KIF6: variants seen among roughly 807,000 people sequenced by gnomAD.
KIF6 encodes the protein kinesin-like protein KIF6.
KIF6 carries 106 observed loss-of-function variants against 112.7 expected under a neutral mutation model. The ratio of observed to expected loss-of-function variants is 0.94; its 90% CI spans 0.80 to 1.11. The LOEUF (loss-of-function observed/expected upper bound fraction) is 1.11. Among genes scored for constraint, KIF6 ranks in the 50% least tolerant of loss-of-function variants. KIF6 has a pLI of 0.00. For synonymous variants in KIF6, 339 were observed against 339.9 expected, an observed-to-expected ratio of 1.00 and a Z score of 0.03; for missense variants, 929 against 964.0, an observed-to-expected ratio of 0.96 and a Z score of 0.48.
chr6:39,477,164 G>T (rs1774476954), intron 13 of KIF6, among the ~76,000 whole-genome samples: 2 of 151,938 alleles, frequency 1.3e-5, no homozygotes, highest in Non-Finnish European at 2.9e-5. Context: ...GCTGCATGAA[G>T]ATTTCACCTA....
At position 39,343,486 on chromosome 6, in the gene KIF6, GC is replaced by G. The variant is rs1238839275; in HGVS notation, c.2428+222del. 9.4e-6 allele frequency: 14 copies of G among 1,488,172 alleles called. No individual in the cohort carries two copies. The Admixed American group carries it at 1.8e-4, about 19-fold the overall frequency. 92.2% of individuals were successfully genotyped at this position (1,488,172 alleles called of 1,614,324 possible). ...TGCCAAGAGGGACAGGAGCACCTGG[GC>G]CGCCCACCCACTTGGGCCTGTCTTG... On this transcript the variant is annotated intron_variant, in intron 22 of 22. Transcript: ENST00000287152. The surrounding 1 kb of genome is among the most constrained non-coding windows in gnomAD (Gnocchi z 4.1).
chr6:39,594,180 A>G (rs1023663445), intron 7 of KIF6, among the ~76,000 whole-genome samples: 1 of 152,050 alleles, frequency 6.6e-6, no homozygotes, highest in African/African-American at 2.4e-5. Flanking sequence ...TTTTAGTGAC[A>G]CATAGCAGTT....
Position 39,586,270 on chromosome 6 carries a change from C to T in KIF6, c.981G>A (p.Arg327=). The change falls in exon 8 of 23, where the codon AGG becomes AGA. Residue 327 remains arginine (R), a synonymous_variant. Coordinates refer to ENST00000287152, the MANE Select transcript of KIF6 (RefSeq NM_145027.6). ...TMIATLSLEK[R]NLDESISTCR... is the part of the protein sequence containing the mutation. ...AGAAGAGCCCACATACATCAAGATTCCTTTTCTCCAAGGAGAGTGTTGCAA... is the reference window on the plus strand; with the variant it reads ...AGAAGAGCCCACATACATCAAGATTTCTTTTCTCCAAGGAGAGTGTTGCAA... 6.2e-7 allele frequency: 1 copy of T among 1,614,156 alleles called. No individual in the cohort carries two copies.
At chr6:39,650,017 T>C (rs533184346) in intron 3 of KIF6, among the ~76,000 whole-genome samples, 3 of 152,188 alleles carry the variant, frequency 2.0e-5, no homozygotes, top group Non-Finnish European at 4.4e-5. Context: ...CTTGAATGAT[T>C]TGCAAATTCT....
intron 19 of KIF6, among the ~76,000 whole-genome samples, chr6:39,348,886 C>T (rs1055876241): frequency 3.9e-5 from 6 of 152,324 alleles, no homozygotes; most frequent in African/African-American, 9.6e-5. Flanking sequence ...GCTGGGCCCT[C>T]GCTCTCTCAC....
chr6:39,538,305 G>A (rs1400902565), intron 13 of KIF6, among the ~76,000 whole-genome samples: 1 of 151,574 alleles, frequency 6.6e-6, no homozygotes, highest in African/African-American at 2.4e-5. Flanking sequence ...GAAAATTTTC[G>A]CAACCTACTC....
At chr6:39,362,547 T>C in intron 16 of KIF6, 29 bp from the exon 17 acceptor site, 1 of 1,497,288 alleles carries the variant, frequency 6.7e-7, no homozygotes, top group Non-Finnish European at 9.3e-7. Flanking sequence ...AATGGGATGG[T>C]GAGAAAGAAG....
chr6:39,581,063 C>G (rs985125981), intron 9 of KIF6, among the ~76,000 whole-genome samples: 1 of 151,914 alleles, frequency 6.6e-6, no homozygotes, highest in African/African-American at 2.4e-5. Flanking sequence ...AGCTTTCATC[C>G]TTTCTGGAAT....
intron 13 of KIF6, among the ~76,000 whole-genome samples, chr6:39,531,543 A>C (rs1001058474): frequency 6.6e-6 from 1 of 152,146 alleles, no homozygotes; most frequent in Admixed American, 6.5e-5. Flanking sequence ...CTCCTCCTCT[A>C]TCATAAGCCA....
chr6:39,548,117 T>C (rs1179128421), intron 10 of KIF6, among the ~76,000 whole-genome samples: 2 of 152,192 alleles, frequency 1.3e-5, no homozygotes, highest in Non-Finnish European at 2.9e-5. Flanking sequence ...TTGGAAGTAA[T>C]GGTTAATCAA....
intron 13 of KIF6, among the ~76,000 whole-genome samples, chr6:39,520,807 C>G (rs1410940349): frequency 6.6e-6 from 1 of 152,166 alleles, no homozygotes; most frequent in Non-Finnish European, 1.5e-5. Context: ...TTCGGTCACA[C>G]TCATTTCCCC....
chr6:39,510,048 C>A (rs1182602141), intron 13 of KIF6, among the ~76,000 whole-genome samples: 1 of 151,770 alleles, frequency 6.6e-6, no homozygotes, highest in African/African-American at 2.4e-5. Flanking sequence ...AGAAACCCTA[C>A]AAGCCAGAAG....
At chr6:39,674,901 A>G (rs1401855340) in intron 3 of KIF6, among the ~76,000 whole-genome samples, 1 of 151,564 alleles carries the variant, frequency 6.6e-6, no homozygotes, top group Non-Finnish European at 1.5e-5. Context: ...ACAGGGATCA[A>G]TAAAAAGTCT....
At chr6:39,441,353 G>A (rs1482174213) in intron 13 of KIF6, among the ~76,000 whole-genome samples, 1 of 152,176 alleles carries the variant, frequency 6.6e-6, no homozygotes, top group Non-Finnish European at 1.5e-5. Flanking sequence ...AATAGCAAAT[G>A]TCATCATTTA....
At chr6:39,567,400 A>C (rs936318697) in intron 10 of KIF6, among the ~76,000 whole-genome samples, 1 of 152,224 alleles carries the variant, frequency 6.6e-6, no homozygotes, top group African/African-American at 2.4e-5. Flanking sequence ...TCCTTAGACT[A>C]GGAGAGTCAA....
chr6:39,626,255 CA>C (rs1196286085), intron 5 of KIF6, among the ~76,000 whole-genome samples: 1 of 152,112 alleles, frequency 6.6e-6, no homozygotes, highest in African/African-American at 2.4e-5. Context: ...CCTTTGAGGC[CA>C]AGAACATTTA....
chr6:39,626,216 TTA>T (rs1436929956), intron 5 of KIF6, among the ~76,000 whole-genome samples: 1 of 152,156 alleles, frequency 6.6e-6, no homozygotes, highest in Non-Finnish European at 1.5e-5. Context: ...AATGATCAGT[TTA>T]TGAGTCTGTT....
At chr6:39,637,792 T>C (rs1784701526) in intron 4 of KIF6, among the ~76,000 whole-genome samples, 1 of 152,134 alleles carries the variant, frequency 6.6e-6, no homozygotes, top group South Asian at 2.1e-4. Context: ...TGCCCCATCA[T>C]GAAAATATGT....
chr6:39,686,679 G>A (rs1787887342), intron 3 of KIF6, among the ~76,000 whole-genome samples: 1 of 152,198 alleles, frequency 6.6e-6, no homozygotes, highest in Non-Finnish European at 1.5e-5. Context: ...AGAAAAAAAT[G>A]ACTGTGAACA....
Sources: allele counts gnomAD v4.1 joint callset (sites outside exome capture counted in the v4.1 genomes callset), GRCh38; gene constraint gnomAD v4.1.1; non-coding constraint Gnocchi (gnomAD v3.1); transcripts MANE v1.5; gene names NCBI Gene and HGNC (gene_info 2026-07-23, HGNC 2026-07-21).